CSMD1: variants seen among roughly 807,000 people sequenced by gnomAD.
CSMD1 encodes the protein CUB and sushi domain-containing protein 1.
A neutral mutation model predicts 417.5 loss-of-function variants in CSMD1; 213 were observed. That is an observed-to-expected ratio of 0.51 (90% confidence interval 0.46 to 0.57). The LOEUF (loss-of-function observed/expected upper bound fraction) is 0.57, where lower values mean the gene tolerates loss of function less well. Ranked by LOEUF, CSMD1 falls within the 20% of genes least tolerant of loss-of-function variation. The probability of loss-of-function intolerance (pLI) is 0.00; values close to 1 mark genes in which losing one functional copy is unlikely to be tolerated. For synonymous variants in CSMD1, 2,862 were observed against 1,736.8 expected, an observed-to-expected ratio of 1.65 and a Z score of -16.11; for missense variants, 6,923 against 4,529.7, an observed-to-expected ratio of 1.53 and a Z score of -15.17.
At chr8:3,303,406 C>G (rs544808519) in intron 25 of CSMD1, among the ~76,000 whole-genome samples, 1 of 152,300 alleles carries the variant, frequency 6.6e-6, no homozygotes, top group Admixed American at 6.5e-5. Context: ...CAGCAGAACA[C>G]CAGGGTCGTC....
chr8:4,367,232 G>C (rs1802127980), intron 3 of CSMD1, among the ~76,000 whole-genome samples: 2 of 152,128 alleles, frequency 1.3e-5, no homozygotes, highest in South Asian at 4.1e-4. Flanking sequence ...TGTGGTGTAA[G>C]GAAGGGGTCC....
At chr8:3,282,751 C>A (rs1306939299) in intron 26 of CSMD1, among the ~76,000 whole-genome samples, 1 of 152,058 alleles carries the variant, frequency 6.6e-6, no homozygotes, top group East Asian at 1.9e-4. Context: ...CAGACTATAA[C>A]CAGAGGTAAG....
At chr8:3,944,731 A>T (rs996919173) in intron 5 of CSMD1, among the ~76,000 whole-genome samples, 1 of 152,154 alleles carries the variant, frequency 6.6e-6, no homozygotes, top group Non-Finnish European at 1.5e-5. Flanking sequence ...AATATTTCAA[A>T]ATAATGCACT....
chr8:3,045,271 G>C (rs1469973009), intron 50 of CSMD1, among the ~76,000 whole-genome samples: 2 of 152,078 alleles, frequency 1.3e-5, no homozygotes, highest in African/African-American at 2.4e-5. Context: ...TTGACTTTTT[G>C]CTGTTTAACA....
chr8:4,181,257 C>A (rs765982129), intron 3 of CSMD1, among the ~76,000 whole-genome samples: 2 of 152,136 alleles, frequency 1.3e-5, no homozygotes, highest in Non-Finnish European at 2.9e-5. Context: ...CCACCCTGAA[C>A]GTGCCCAATC....
chr8:4,912,642 T>A (rs750726178), intron 1 of CSMD1, among the ~76,000 whole-genome samples: 3 of 152,224 alleles, frequency 2.0e-5, no homozygotes, highest in Non-Finnish European at 4.4e-5. Flanking sequence ...TAAATACCTG[T>A]GACATGTAGG....
chr8:3,575,138 G>A (rs1478124293), intron 9 of CSMD1, 72 bp from the exon 10 acceptor site: 8 of 1,460,214 alleles, frequency 5.5e-6, no homozygotes, highest in African/African-American at 1.4e-5. Flanking sequence ...ACATTTATGG[G>A]AAATTTCAAG....
chr8:4,467,240 A>G (rs1005682878), intron 2 of CSMD1, among the ~76,000 whole-genome samples: 1 of 152,160 alleles, frequency 6.6e-6, no homozygotes, highest in Admixed American at 6.6e-5. Flanking sequence ...CCAGGGACAC[A>G]TTCCAGCTAA....
chr8:3,891,520 C>A (rs948253425), intron 5 of CSMD1, among the ~76,000 whole-genome samples: 1 of 151,918 alleles, frequency 6.6e-6, no homozygotes, highest in Non-Finnish European at 1.5e-5. Flanking sequence ...TGCCTAATCA[C>A]ACACACACAA....
intron 10 of CSMD1, among the ~76,000 whole-genome samples, chr8:3,515,549 G>C (rs1201357474): frequency 6.6e-6 from 1 of 152,166 alleles, no homozygotes; most frequent in Non-Finnish European, 1.5e-5. Flanking sequence ...GAGAAAGCAG[G>C]ACATGCTCTC....
intron 2 of CSMD1, among the ~76,000 whole-genome samples, chr8:4,453,758 T>C (rs141690446): frequency 1.3e-5 from 2 of 150,986 alleles, no homozygotes; most frequent in South Asian, 2.1e-4. Context: ...GGTCCCCATT[T>C]GAGCGAACGC....
intron 5 of CSMD1, among the ~76,000 whole-genome samples, chr8:3,875,106 G>A (rs980820466): frequency 4.1e-5 from 6 of 147,812 alleles, no homozygotes; most frequent in African/African-American, 1.5e-4. Flanking sequence ...TCCTAGAGGG[G>A]CTTCAGGAAC....
intron 54 of CSMD1, among the ~76,000 whole-genome samples, chr8:2,985,537 T>C (rs992166572): frequency 6.6e-6 from 1 of 152,198 alleles, no homozygotes; most frequent in African/African-American, 2.4e-5. Flanking sequence ...AATTACACAA[T>C]GCATAGGCAA....
chr8:4,897,343 G>T (rs1804562997), intron 1 of CSMD1, among the ~76,000 whole-genome samples: 1 of 151,988 alleles, frequency 6.6e-6, no homozygotes, highest in Non-Finnish European at 1.5e-5. Context: ...AATATATATT[G>T]TTTCTATAGG....
chr8:4,257,883 C>G (rs1042228295), intron 3 of CSMD1, among the ~76,000 whole-genome samples: 3 of 152,182 alleles, frequency 2.0e-5, no homozygotes, highest in East Asian at 1.9e-4. Flanking sequence ...ATTCTGTTGC[C>G]TCTGTTGTGA....
intron 3 of CSMD1, among the ~76,000 whole-genome samples, chr8:4,055,046 A>G (rs972665126): frequency 1.3e-5 from 2 of 152,194 alleles, no homozygotes; most frequent in Admixed American, 6.6e-5. Context: ...TTACATGAAT[A>G]TACTATATTC....
rs571567554 is a variant in CSMD1 at position 3,545,204 on chromosome 8, G to C, written c.1344+29741C>G. Among the ~76,000 whole-genome samples, 170 of 152,192 alleles carry C rather than the reference G, an allele frequency of 1.1e-3. 1 individual carries two copies. The highest frequency in any genetic ancestry group is 3.9e-3 in the African/African-American group (164 of 41,526). On this transcript the variant is annotated intron_variant, in intron 10 of 69. Transcript: ENST00000635120. ...AGCAAAGAGCAGGAGGTAGAATATT[G>C]TTTCCATGTGTCTGTCTATATGTGT...
At chr8:3,315,382 T>A (rs1335521454) in intron 23 of CSMD1, among the ~76,000 whole-genome samples, 1 of 152,106 alleles carries the variant, frequency 6.6e-6, no homozygotes, top group Non-Finnish European at 1.5e-5. Context: ...GTGTGATTGT[T>A]CCATGTTTTA....
At chr8:4,239,568 A>G (rs1004958716) in intron 3 of CSMD1, among the ~76,000 whole-genome samples, 1 of 151,568 alleles carries the variant, frequency 6.6e-6, no homozygotes, top group South Asian at 2.1e-4. Context: ...CCACCCCATA[A>G]CCCTCCAGTA....
Sources: allele counts gnomAD v4.1 joint callset (sites outside exome capture counted in the v4.1 genomes callset), GRCh38; gene constraint gnomAD v4.1.1; transcripts MANE v1.5; gene names NCBI Gene and HGNC (gene_info 2026-07-23, HGNC 2026-07-21).